The following CALN1 variants were observed in gnomAD, a reference collection of about 807,000 sequenced individuals.
CALN1 encodes calcium-binding protein 8.
In CALN1, 17 loss-of-function variants were observed where a neutral mutation model predicts 30.6. The observed-to-expected ratio is 0.56, with a 90% CI of 0.38 to 0.83. The LOEUF is 0.83. Among genes scored for constraint, CALN1 ranks in the 40% least tolerant of loss-of-function variants. The pLI is 0.00. For synonymous variants in CALN1, 156 were observed against 131.4 expected (o/e 1.19, Z -1.28); for missense variants, 291 against 354.9 (o/e 0.82, Z 1.45).
At chr7:71,916,187 A>C (rs1485993155) in intron 5 of CALN1, among the ~76,000 whole-genome samples, 1 of 145,264 alleles carries the variant, frequency 6.9e-6, no homozygotes, top group Non-Finnish European at 1.5e-5. Context: ...GTTGCCTAGG[A>C]TAGTAGTATA....
chr7:71,970,512 G>A (rs1419575886), intron 5 of CALN1, among the ~76,000 whole-genome samples: 1 of 151,980 alleles, frequency 6.6e-6, no homozygotes, highest in East Asian at 1.9e-4. Context: ...ACTCATTTTA[G>A]GCTTTGGCCG....
chr7:71,962,951 G>C (rs376382799), intron 5 of CALN1, among the ~76,000 whole-genome samples: 2 of 152,248 alleles, frequency 1.3e-5, no homozygotes, highest in Admixed American at 1.3e-4. Flanking sequence ...AAAGATTCAA[G>C]TATAATAAAT....
At chr7:72,073,261 GT>G (rs565466686) in intron 4 of CALN1, among the ~76,000 whole-genome samples, 344 of 152,270 alleles carry the variant, frequency 2.3e-3, no homozygotes, top group Non-Finnish European at 2.0e-3. Flanking sequence ...GGAGAATGGG[GT>G]TATTGCTTAA....
chr7:72,468,020 C>T, the CALN1 span, among the ~76,000 whole-genome samples: 1 of 152,164 alleles, frequency 6.6e-6, no homozygotes, highest in African/African-American at 2.4e-5. Flanking sequence ...TTGTGCATAG[C>T]TTCTTTCACC....
rs1228098310 is a variant in CALN1 at position 72,408,451 on chromosome 7, AAC to A, written c.-74+3605_-74+3606del. ...CAGACTCGGTCTCAGAAAAAAATTA[AAC>A]ACACACACAGAGATAATAAAGACAA... On this transcript the variant is annotated intron_variant, in intron 1 of 6. Coordinates refer to ENST00000395275, the MANE Select transcript of CALN1 (RefSeq NM_031468.4). 3.3e-5 allele frequency among the ~76,000 whole-genome samples: 5 copies of A among 151,940 alleles called. No homozygotes were observed. The East Asian group carries it at 7.8e-4, about 24-fold the overall frequency.
intron 3 of CALN1, among the ~76,000 whole-genome samples, chr7:72,141,211 T>G (rs552176763): frequency 6.6e-6 from 1 of 152,120 alleles, no homozygotes; most frequent in East Asian, 1.9e-4. Flanking sequence ...GGTGGGAGCA[T>G]CACTTGAGCC....
rs543458775 is a variant in CALN1 at position 72,435,459 on chromosome 7, G to A, written c.-226+11583C>T. ...AGTGTAAACACTGGAGAAACGCAAG[G>A]CCCCATTCATCCACGCCTCCCTCGG... On this transcript the variant is annotated intron_variant, in intron 1 of 6. Transcript: ENST00000395276. Among the ~76,000 whole-genome samples the A allele has an allele frequency of 2.6e-5, 4 of 152,304 alleles. No individual in the cohort carries two copies. In the South Asian group the frequency reaches 6.2e-4, roughly 24 times the overall value.
chr7:71,867,150 A>T (rs1791634066), intron 5 of CALN1, among the ~76,000 whole-genome samples: 1 of 151,740 alleles, frequency 6.6e-6, no homozygotes. Context: ...GTCTCAAAAA[A>T]AAAAACTAAG....
intron 3 of CALN1, among the ~76,000 whole-genome samples, chr7:72,230,159 C>CA (rs1253771280): frequency 6.6e-6 from 1 of 151,594 alleles, no homozygotes; most frequent in Middle Eastern, 3.2e-3. Flanking sequence ...AAAACAAAAA[C>CA]AAAAAACAAA....
chr7:71,969,732 T>G (rs961653588), intron 5 of CALN1, among the ~76,000 whole-genome samples: 3 of 152,080 alleles, frequency 2.0e-5, no homozygotes, highest in East Asian at 1.9e-4. Context: ...TCTTTAAATA[T>G]TTTATGAGTT....
chr7:72,350,019 A>G (rs193174145), intron 2 of CALN1, among the ~76,000 whole-genome samples: 1 of 152,322 alleles, frequency 6.6e-6, no homozygotes, highest in Non-Finnish European at 1.5e-5. Context: ...ATCTACGTCC[A>G]GAATGGTATC....
At chr7:72,421,881 T>G (rs1807624753) in intron 1 of CALN1, among the ~76,000 whole-genome samples, 1 of 152,152 alleles carries the variant, frequency 6.6e-6, no homozygotes, top group South Asian at 2.1e-4. Flanking sequence ...TATATGGCAT[T>G]TGGTTTTCCA....
chr7:72,451,951 T>C (rs772052452), upstream of CALN1, among the ~76,000 whole-genome samples: 2 of 152,042 alleles, frequency 1.3e-5, no homozygotes, highest in Non-Finnish European at 2.9e-5. Flanking sequence ...GGAAGATCAC[T>C]TGAGCCCCAG....
intron 5 of CALN1, among the ~76,000 whole-genome samples, chr7:71,856,564 C>G (rs1306258942): frequency 6.6e-6 from 1 of 152,140 alleles, no homozygotes; most frequent in Non-Finnish European, 1.5e-5. Flanking sequence ...GGTAAAACAT[C>G]TGGAAAAAAT....
intron 3 of CALN1, among the ~76,000 whole-genome samples, chr7:72,193,135 T>C (rs184730267): frequency 6.6e-6 from 1 of 150,640 alleles, no homozygotes; most frequent in Non-Finnish European, 1.5e-5. Flanking sequence ...TTGCAGTGAA[T>C]CAAGATTGTG....
At chr7:72,074,469 G>A (rs1299789361) in intron 4 of CALN1, among the ~76,000 whole-genome samples, 1 of 152,110 alleles carries the variant, frequency 6.6e-6, no homozygotes, top group East Asian at 1.9e-4. Context: ...GTACAGTGGT[G>A]CAATCTTGGC....
chr7:72,057,094 C>G (rs983963571), intron 4 of CALN1, among the ~76,000 whole-genome samples: 1 of 124,648 alleles, frequency 8.0e-6, no homozygotes, highest in African/African-American at 3.1e-5. Context: ...GCACATGCCA[C>G]CAAGCCCACC....
At chr7:72,196,680 A>C (rs1791028912) in intron 3 of CALN1, among the ~76,000 whole-genome samples, 1 of 152,236 alleles carries the variant, frequency 6.6e-6, no homozygotes. Context: ...ACATTTATCC[A>C]AGGCAGCAGG....
intron 5 of CALN1, among the ~76,000 whole-genome samples, chr7:72,010,283 C>A (rs1217803563): frequency 6.6e-6 from 1 of 152,058 alleles, no homozygotes; most frequent in Non-Finnish European, 1.5e-5. Flanking sequence ...TAAAAGGACC[C>A]AAGGAAATCA....
Sources: allele counts gnomAD v4.1 joint callset (sites outside exome capture counted in the v4.1 genomes callset), GRCh38; gene constraint gnomAD v4.1.1; transcripts MANE v1.5; gene names NCBI Gene and HGNC (gene_info 2026-07-23, HGNC 2026-07-21).